Variants in FN1 observed in about 807,000 individuals in gnomAD.
FN1 encodes fibronectin 1, also known as fibronectin.
Under a neutral mutation model 297.3 loss-of-function variants are expected in FN1, and 106 were observed. The observed-to-expected ratio is 0.36, with a 90% CI of 0.30 to 0.42. The LOEUF (loss-of-function observed/expected upper bound fraction) is 0.42, where lower values mean the gene tolerates loss of function less well. FN1 is among the 10% of genes least tolerant of loss of function. FN1 has a pLI of 1.00. For synonymous variants in FN1, 1,149 were observed against 1,152.6 expected (o/e 1.00, Z 0.06); for missense variants, 2,690 against 3,124.9 (o/e 0.86, Z 3.32).
chr2:215,424,327 T>G lies in FN1; in HGVS notation c.1037-2A>C, dbSNP rs777731544. ...TGCCACCGTAAGTCTGGGTTACAGCTACAATCATAATCAAAAGAGTGTCAG... is the reference window on the plus strand; with the variant it reads ...TGCCACCGTAAGTCTGGGTTACAGCGACAATCATAATCAAAAGAGTGTCAG... On this transcript the variant is annotated splice_acceptor_variant, in intron 7 of 45. Coordinates refer to ENST00000354785, the MANE Select transcript of FN1 (RefSeq NM_212482.4). LOFTEE classifies it high-confidence loss of function. 6.2e-7 allele frequency: 1 copy of G among 1,612,974 alleles called. No individual in the cohort carries two copies. Among genetic ancestry groups the G allele is most frequent in the Non-Finnish European group, 8.5e-7 (1 of 1,178,960 alleles).
Position 215,422,129 on chromosome 2 carries a change from C to T in FN1, c.1508G>A (p.Arg503His), listed in dbSNP as rs552465703. The T allele has an allele frequency of 1.7e-5, 27 of 1,614,180 alleles. No homozygotes were observed. Among genetic ancestry groups the T allele is most frequent in the Admixed American group, 3.3e-5 (2 of 60,030 alleles). Residue 503 changes from arginine to histidine, a missense_variant, in exon 10 of 46, where the codon CGT becomes CAT. Arg to His is a conservative substitution (Grantham distance 29, BLOSUM62 0). Coordinates refer to ENST00000354785, the MANE Select transcript of FN1 (RefSeq NM_212482.4). ...MMRCTCVGNG[R>H]GEWTCIAYSQ... ...GTAGGCAATGCATGTCCATTCCCCA[C>T]GACCATTCCCAACACACGTGCACCT... is the stretch of plus-strand genomic sequence containing the variant.
chr2:215,420,779 GA>G lies in FN1; in HGVS notation c.1568del (p.Ile523ThrfsTer5), dbSNP rs1177849661. On this transcript the variant is annotated frameshift_variant, in exon 11 of 46. Coordinates refer to ENST00000354785, the MANE Select transcript of FN1 (RefSeq NM_212482.4). LOFTEE classifies it high-confidence loss of function. Reference sequence around the variant, plus strand: ...GGAATGTGTCGTTCACATTGTAAGTGATGTCATCAACAATGCACTGATCTGT... The same window carrying G: ...GGAATGTGTCGTTCACATTGTAAGTGTGTCATCAACAATGCACTGATCTGT... ...QLRDQCIVDD[I>X]TYNVNDTFHK... 1 of 1,614,062 alleles carries G rather than the reference GA, an allele frequency of 6.2e-7. No individual in the cohort carries two copies. Among genetic ancestry groups the G allele is most frequent in the South Asian group, 1.1e-5 (1 of 91,084 alleles).
At chr2:215,362,429 C>T (rs556692758) in intron 44 of FN1, 13 of 295,028 alleles carry the variant, frequency 4.4e-5, no homozygotes, top group South Asian at 4.4e-4. Context: ...AGAATCCTAG[C>T]GATTTTAAAA....
At chr2:215,400,103 G>A (rs999313916) in intron 20 of FN1, among the ~76,000 whole-genome samples, 1 of 151,418 alleles carries the variant, frequency 6.6e-6, no homozygotes, top group Non-Finnish European at 1.5e-5. Flanking sequence ...CACAAGAATC[G>A]CTTGAACCCT....
intron 44 of FN1, chr2:215,364,463 A>T: frequency 3.5e-6 from 1 of 284,642 alleles, no homozygotes; most frequent in Non-Finnish European, 6.8e-6. Flanking sequence ...GATGGGGAGA[A>T]CCGGCTGAAA....
At chr2:215,407,049 T>C in intron 18 of FN1, 78 bp downstream of exon 18, 5 of 1,091,858 alleles carry the variant, frequency 4.6e-6, no homozygotes, top group South Asian at 2.5e-5. Context: ...GAGAGGACTG[T>C]TGACAGAGAC....
chr2:215,368,714 G>A (rs1489581381), intron 41 of FN1, among the ~76,000 whole-genome samples: 1 of 152,120 alleles, frequency 6.6e-6, no homozygotes, highest in Admixed American at 6.6e-5. Context: ...TGGTGAGACA[G>A]CTTTATCAGT....
intron 20 of FN1, among the ~76,000 whole-genome samples, chr2:215,402,161 T>C (rs2061249451): frequency 6.6e-6 from 1 of 152,232 alleles, no homozygotes; most frequent in African/African-American, 2.4e-5. Context: ...TCGCCTCAAC[T>C]GTCCTGGGCT....
Position 215,382,269 on chromosome 2 carries a change from C to T in FN1, c.5107G>A (p.Val1703Ile), listed in dbSNP as rs1381277231. 13 of 1,613,932 alleles carry T rather than the reference C, an allele frequency of 8.1e-6. No homozygotes were observed. The highest frequency in any genetic ancestry group is 1.6e-4 in the Middle Eastern group (1 of 6,080). ...LQPTVEYVVSVYAQNPSGESQ... is the reference protein window; with the variant it reads ...LQPTVEYVVSIYAQNPSGESQ... ...TCTCCGCTTGGATTCTGAGCATAGA[C>T]ACTAACCACATACTCCACTGTGGGC... The change falls in exon 32 of 46, where the codon GTC (valine) becomes ATC (isoleucine). Residue 1703 changes from valine (V) to isoleucine (I), a missense_variant. By Grantham distance (29) the Val-to-Ile change is conservative. Around this residue, in one of 3 missense-constraint regions of FN1, gnomAD observed 1,743 missense variants for 1,945.2 expected, o/e 0.90. Coordinates refer to ENST00000354785, the MANE Select transcript of FN1 (RefSeq NM_212482.4).
At chr2:215,397,619 CT>C in intron 22 of FN1, 60 bp downstream of exon 22, 1 of 1,458,608 alleles carries the variant, frequency 6.9e-7, no homozygotes, top group East Asian at 2.3e-5. Flanking sequence ...TTGACACTAG[CT>C]TTTTTCGAAA....
chr2:215,396,540 A>T (rs1197779187), intron 23 of FN1, among the ~76,000 whole-genome samples: 1 of 152,206 alleles, frequency 6.6e-6, no homozygotes, highest in Non-Finnish European at 1.5e-5. Context: ...TTAAAAAAAA[A>T]TTACATTCCA....
intron 36 of FN1, 63 bp downstream of exon 36, chr2:215,376,435 A>C: frequency 1.4e-6 from 2 of 1,447,246 alleles, no homozygotes; most frequent in East Asian, 4.5e-5. Flanking sequence ...AGAACAGTTA[A>C]TAAGCCCGTT....
Position 215,375,678 on chromosome 2 carries a change from G to A in FN1, c.5928C>T (p.Thr1976=), listed in dbSNP as rs1185062758. 6.2e-7 allele frequency: 1 copy of A among 1,613,370 alleles called. No individual in the cohort carries two copies. ...GGGAGCTCCGAGCATTGTCATTCAAGGTGTACAGGTAGATCTTGTAGTCAG... is the reference window on the plus strand; with the variant it reads ...GGGAGCTCCGAGCATTGTCATTCAAAGTGTACAGGTAGATCTTGTAGTCAG... ...PGTDYKIYLY[T]LNDNARSSPV... The change falls in exon 37 of 46, where the codon ACC becomes ACT. Residue 1976 remains threonine, a synonymous_variant. Coordinates refer to ENST00000354785, the MANE Select transcript of FN1 (RefSeq NM_212482.4).
chr2:215,385,703 C>T (rs2058864092), intron 28 of FN1, among the ~76,000 whole-genome samples: 1 of 151,798 alleles, frequency 6.6e-6, no homozygotes, highest in South Asian at 2.1e-4. Context: ...CAGCCTCTAT[C>T]TGCTAAGAAC....
At chr2:215,368,448 C>G (rs1041129469) in intron 41 of FN1, among the ~76,000 whole-genome samples, 1 of 151,980 alleles carries the variant, frequency 6.6e-6, no homozygotes, top group Admixed American at 6.6e-5. Flanking sequence ...GCAATACTAG[C>G]GTAATAATAA....
At chr2:215,429,791 T>C (rs1235527608) in intron 5 of FN1, among the ~76,000 whole-genome samples, 1 of 152,222 alleles carries the variant, frequency 6.6e-6, no homozygotes, top group African/African-American at 2.4e-5. Context: ...AAGTAAGTCC[T>C]TATAAAATTT....
chr2:215,435,824 C>T lies in FN1; in HGVS notation c.-22G>A. 3 of 1,524,410 alleles carry T rather than the reference C, an allele frequency of 2.0e-6. No individual in the cohort carries two copies. Among genetic ancestry groups the T allele is most frequent in the Non-Finnish European group, 2.6e-6 (3 of 1,137,568 alleles). The allele number at this position is 1,524,410 out of a possible 1,614,324, so 94.4% of individuals were successfully genotyped here. ...GCATGTTGAGACGGTGGGGGAGAGA[C>T]GCCCGCACCGGGAGGCAAGTTGCCA... On this transcript the variant is annotated 5_prime_UTR_variant, in exon 1 of 46. Transcript: ENST00000354785.
Position 215,372,119 on chromosome 2 carries a change from C to T in FN1, c.6504G>A (p.Pro2168=), listed in dbSNP as rs372564133. 9 of 1,614,062 alleles carry T rather than the reference C, an allele frequency of 5.6e-6. No individual in the cohort carries two copies. The highest frequency in any genetic ancestry group is 1.3e-5 in the African/African-American group (1 of 74,926). The change falls in exon 40 of 46, where the codon CCG becomes CCA. Residue 2168 remains proline (P), a synonymous_variant. Coordinates refer to ENST00000354785, the MANE Select transcript of FN1 (RefSeq NM_212482.4). The part of the protein sequence containing the change: ...TPIRHRPRPY[P]PNVGEEIQIG... ...TTTGGATTTCCTCACCTACATTCGG[C>T]GGGTATGGTCTTGGCCTATGCCTTA...
chr2:215,392,189 G>C (rs1303601618), intron 25 of FN1: 4 of 242,218 alleles, frequency 1.7e-5, no homozygotes, highest in Non-Finnish European at 3.2e-5. Context: ...AGAAATACAT[G>C]CACACAGACA....
Sources: allele counts gnomAD v4.1 joint callset (sites outside exome capture counted in the v4.1 genomes callset), GRCh38; gene constraint gnomAD v4.1.1; regional missense constraint gnomAD v4.1.1; transcripts MANE v1.5; gene names NCBI Gene and HGNC (gene_info 2026-07-23, HGNC 2026-07-21).